Variants in DSCAML1 observed in about 807,000 individuals in gnomAD.
The protein encoded by DSCAML1 is cell adhesion molecule DSCAML1.
Under a neutral mutation model 200.5 loss-of-function variants are expected in DSCAML1, and 38 were observed. The ratio of observed to expected loss-of-function variants is 0.19; its 90% CI spans 0.15 to 0.25. The LOEUF (loss-of-function observed/expected upper bound fraction) is 0.25, where lower values mean the gene tolerates loss of function less well. Ranked by LOEUF, DSCAML1 falls within the 10% of genes least tolerant of loss-of-function variation. DSCAML1 has a pLI of 1.00. For synonymous variants in DSCAML1, 1,215 were observed against 1,165.0 expected (o/e 1.04, Z -0.87); for missense variants, 2,223 against 2,858.8 (o/e 0.78, Z 5.07).
chr11:117,695,315 CTTTTT>C (rs753748981), intron 3 of DSCAML1, among the ~76,000 whole-genome samples: 16 of 116,716 alleles, frequency 1.4e-4, no homozygotes, highest in African/African-American at 5.1e-4. Flanking sequence ...CTTTCTTTTT[CTTTTT>C]TTTTTTTTTT....
Position 117,683,652 on chromosome 11 carries a change from G to A in DSCAML1, c.511+93139C>T, listed in dbSNP as rs967472286. On this transcript the variant is annotated intron_variant, in intron 3 of 32. Coordinates refer to ENST00000651296, the MANE Select transcript of DSCAML1 (RefSeq NM_020693.4). ...AGAGGGGTCGAGCTTGTAGCCTCTC[G>A]GGCCAAATGCCTGGGCTCATATAAT... 4.6e-5 allele frequency among the ~76,000 whole-genome samples: 7 copies of A among 152,242 alleles called. No individual in the cohort carries two copies. In the South Asian group the frequency reaches 6.2e-4, roughly 14 times the overall value.
At chr11:117,687,426 A>ATTTTTTTTTTTTTTTTTTTT (rs71037492) in intron 3 of DSCAML1, among the ~76,000 whole-genome samples, 3 of 97,684 alleles carry the variant, frequency 3.1e-5, no homozygotes, top group African/African-American at 8.2e-5. Flanking sequence ...ATGCCTGGCT[A>ATTTTTTTTTTTTTTTTTTTT]TTTTTTTTTT....
In DSCAML1 at chr11:117,714,770, C is replaced by T. The variant is rs573616830; in HGVS notation, c.511+62021G>A. Reference sequence around the variant, plus strand: ...CTGGGAGGTGGAGGTCGCAGTGAACCGAGATCACGCCATTGCACTCCAGTA... The same window carrying T: ...CTGGGAGGTGGAGGTCGCAGTGAACTGAGATCACGCCATTGCACTCCAGTA... On this transcript the variant is annotated intron_variant, in intron 3 of 32. Transcript: ENST00000651296. Among the ~76,000 whole-genome samples, 5 of 143,562 alleles carry T rather than the reference C, an allele frequency of 3.5e-5. No homozygotes were observed. The Admixed American group carries it at 3.7e-4, about 11-fold the overall frequency. The allele number at this position is 143,562 out of a possible 152,430, so 94.2% of individuals were successfully genotyped here.
Position 117,712,998 on chromosome 11 carries a change from T to C in DSCAML1, c.511+63793A>G, listed in dbSNP as rs556631501. Among the ~76,000 whole-genome samples the C allele has an allele frequency of 6.3e-4, 96 of 152,184 alleles. 1 individual carries two copies. The South Asian group carries it at 0.019, about 31-fold the overall frequency. Reference sequence around the variant, plus strand: ...CCAACTCCCCTTTTGCAGCAACCCGTAACCCCCCAACACCCAGGACCTATA... The same window carrying C: ...CCAACTCCCCTTTTGCAGCAACCCGCAACCCCCCAACACCCAGGACCTATA... On this transcript the variant is annotated intron_variant, in intron 3 of 32. Transcript: ENST00000651296.
chr11:117,631,088 A>T (rs1378917224), intron 3 of DSCAML1, among the ~76,000 whole-genome samples: 1 of 152,124 alleles, frequency 6.6e-6, no homozygotes, highest in Non-Finnish European at 1.5e-5. Flanking sequence ...AGGTCGGGGG[A>T]GGGCTGGGTG....
At chr11:117,792,711 G>A (rs2055494281) in intron 1 of DSCAML1, among the ~76,000 whole-genome samples, 1 of 152,070 alleles carries the variant, frequency 6.6e-6, no homozygotes, top group Non-Finnish European at 1.5e-5. Context: ...CTGCATTCTA[G>A]GGGTGCACCC....
chr11:117,604,698 C>G (rs995861573), intron 3 of DSCAML1, among the ~76,000 whole-genome samples: 38 of 152,250 alleles, frequency 2.5e-4, no homozygotes, highest in African/African-American at 9.2e-4. Flanking sequence ...CCTACTAGTT[C>G]TAGCTTCTCT....
In DSCAML1 at chr11:117,437,093, G is replaced by T; in HGVS notation, c.4720+29C>A. 6.2e-7 allele frequency: 1 copy of T among 1,600,366 alleles called. No homozygotes were observed. On this transcript the variant is annotated intron_variant, in intron 26 of 32. Coordinates refer to ENST00000651296, the MANE Select transcript of DSCAML1 (RefSeq NM_020693.4). The surrounding 1 kb of genome is among the most constrained non-coding windows in gnomAD (Gnocchi z 5.3). ...TTCGCACCACCCTGCTCCAGCCTCT[G>T]TACCATCCCTTCCACCCTTGCGACT... is the stretch of plus-strand genomic sequence containing the variant.
chr11:117,702,331 G>A, intron 3 of DSCAML1, among the ~76,000 whole-genome samples: 1 of 151,998 alleles, frequency 6.6e-6, no homozygotes. Context: ...GCCCCTGGGG[G>A]CCCTAGAACA....
At chr11:117,581,413 G>A (rs2051037051) in intron 3 of DSCAML1, among the ~76,000 whole-genome samples, 1 of 152,142 alleles carries the variant, frequency 6.6e-6, no homozygotes, top group Non-Finnish European at 1.5e-5. Context: ...ATACAGAACA[G>A]TTCCATCCCC....
chr11:117,557,867 CAT>C (rs1226411630), intron 3 of DSCAML1, among the ~76,000 whole-genome samples: 1 of 151,998 alleles, frequency 6.6e-6, no homozygotes, highest in African/African-American at 2.4e-5. Context: ...CCTTAGGAGA[CAT>C]ATGGCAATGT....
At position 117,464,964 on chromosome 11, in the gene DSCAML1, G is replaced by A; in HGVS notation, c.3243C>T (p.Ile1081=). The A allele has an allele frequency of 1.9e-6, 3 of 1,614,082 alleles. No individual in the cohort carries two copies. The highest frequency in any genetic ancestry group is 2.5e-6 in the Non-Finnish European group (3 of 1,180,022). Residue 1081 remains isoleucine, a synonymous_variant, in exon 17 of 33, where the codon ATC becomes ATT. Coordinates refer to ENST00000651296, the MANE Select transcript of DSCAML1 (RefSeq NM_020693.4). ...CACCATCCTCCAGAGTGGTGGCATT[G>A]ATCTCGCTGGAAGAGGGCCCCGTGC... ...RAGTGPSSSE[I]NATTLEDVPS...
At chr11:117,449,201 G>C (rs1313592649) in intron 20 of DSCAML1, among the ~76,000 whole-genome samples, 1 of 152,192 alleles carries the variant, frequency 6.6e-6, no homozygotes, top group South Asian at 2.1e-4. Context: ...TACCTGGGAG[G>C]AGGGGCAGGC....
chr11:117,518,047 G>A lies in DSCAML1; in HGVS notation c.1510+419C>T, dbSNP rs1445169569. ...GAGCACAGCTTGGGTGGGCAACCAT[G>A]TTAAAGACCAAGCCTGGTCCCCAGC... On this transcript the variant is annotated intron_variant, in intron 7 of 32. Transcript: ENST00000651296. The surrounding 1 kb of genome is among the most constrained non-coding windows in gnomAD (Gnocchi z 6.3). Among the ~76,000 whole-genome samples, 1 of 152,210 alleles carries A rather than the reference G, an allele frequency of 6.6e-6. No homozygotes were observed. Among genetic ancestry groups the A allele is most frequent in the Non-Finnish European group, 1.5e-5 (1 of 68,038 alleles).
At chr11:117,682,682 G>A (rs558893317) in intron 3 of DSCAML1, among the ~76,000 whole-genome samples, 2 of 141,314 alleles carry the variant, frequency 1.4e-5, no homozygotes, top group East Asian at 4.0e-4. Context: ...GGGAGGGACA[G>A]CTGGTAGGTG....
intron 5 of DSCAML1, 83 bp downstream of exon 5, chr11:117,524,722 C>G: frequency 2.7e-6 from 4 of 1,479,400 alleles, no homozygotes; most frequent in Non-Finnish European, 3.6e-6. Flanking sequence ...GAGACAGGTC[C>G]AGCTGTCGGC....
intron 13 of DSCAML1, 104 bp downstream of exon 13, chr11:117,481,070 C>T: frequency 1.8e-6 from 2 of 1,122,028 alleles, no homozygotes; most frequent in East Asian, 4.8e-5. Context: ...CTGTCATCCT[C>T]CACCATGGCG....
chr11:117,612,355 C>G (rs1005684145), intron 3 of DSCAML1, among the ~76,000 whole-genome samples: 8 of 152,206 alleles, frequency 5.3e-5, no homozygotes, highest in African/African-American at 1.9e-4. Flanking sequence ...TGTTTCCCAT[C>G]AGTCTGGAAG....
intron 8 of DSCAML1, among the ~76,000 whole-genome samples, chr11:117,511,887 A>G (rs1196843275): frequency 6.6e-6 from 1 of 152,258 alleles, no homozygotes; most frequent in African/African-American, 2.4e-5. Flanking sequence ...CGTGCATGCA[A>G]TACGTACCAG....
Sources: allele counts gnomAD v4.1 joint callset (sites outside exome capture counted in the v4.1 genomes callset), GRCh38; gene constraint gnomAD v4.1.1; non-coding constraint Gnocchi (gnomAD v3.1); transcripts MANE v1.5; gene names NCBI Gene and HGNC (gene_info 2026-07-23, HGNC 2026-07-21).